The following PDE4D variants were observed in gnomAD, a reference collection of about 807,000 sequenced individuals.
The protein encoded by PDE4D is 3',5'-cyclic-AMP phosphodiesterase 4D.
In PDE4D, 24 loss-of-function variants were observed where a neutral mutation model predicts 87.4. The observed-to-expected ratio is 0.27, with a 90% CI of 0.20 to 0.39. The LOEUF is 0.39. PDE4D is among the 10% of genes least tolerant of loss of function. The pLI is 1.00. For missense variants in PDE4D, 714 were observed against 1,041.0 expected, an observed-to-expected ratio of 0.69 and a Z score of 4.32; for synonymous variants, 384 against 383.2, an observed-to-expected ratio of 1.00 and a Z score of -0.02.
chr5:59,849,020 G>A (rs867961180), intron 1 of PDE4D, among the ~76,000 whole-genome samples: 12 of 152,044 alleles, frequency 7.9e-5, no homozygotes, highest in Admixed American at 2.6e-4. Context: ...CATACAACTC[G>A]GCGCTGTGAG....
rs58630110 is a variant in PDE4D, at chr5:60,186,790, A to C, written c.-89-1103T>G. Among the ~76,000 whole-genome samples, 307 of 152,308 alleles carry C rather than the reference A, an allele frequency of 2.0e-3. 10 individuals carry two copies. The South Asian group carries it at 0.053, about 26-fold the overall frequency. On this transcript the variant is annotated intron_variant, in intron 1 of 16. Transcript: ENST00000502484. ...AAATGATTGACAATATTAAAGTACA[A>C]AGTAGTATGAATTATACATTTAAAA...
intron 2 of PDE4D, among the ~76,000 whole-genome samples, chr5:60,053,146 A>G (rs984049243): frequency 1.3e-5 from 2 of 152,172 alleles, no homozygotes; most frequent in Non-Finnish European, 2.9e-5. Context: ...TGCTATCCCC[A>G]TCAAGCTACC....
At chr5:60,411,195 T>TA (rs1419400973) in intron 1 of PDE4D, among the ~76,000 whole-genome samples, 1 of 152,222 alleles carries the variant, frequency 6.6e-6, no homozygotes, top group East Asian at 1.9e-4. Flanking sequence ...TGCACTGGTA[T>TA]AATTTTCATT....
At chr5:60,236,568 A>T (rs1746456733) in intron 1 of PDE4D, among the ~76,000 whole-genome samples, 1 of 151,962 alleles carries the variant, frequency 6.6e-6, no homozygotes, top group Non-Finnish European at 1.5e-5. Context: ...AGAACCAGTT[A>T]TTCTGGCATG....
intron 1 of PDE4D, among the ~76,000 whole-genome samples, chr5:60,311,495 T>C (rs546745745): frequency 1.3e-5 from 2 of 152,198 alleles, no homozygotes; most frequent in South Asian, 2.1e-4. Flanking sequence ...AGAAGTATAA[T>C]CTTTTCAGGG....
intron 3 of PDE4D, among the ~76,000 whole-genome samples, chr5:59,902,199 A>C (rs970584992): frequency 1.3e-5 from 2 of 152,224 alleles, no homozygotes; most frequent in Admixed American, 6.6e-5. Flanking sequence ...ACACTCAAAA[A>C]CAAGAAACAA....
Position 59,892,896 on chromosome 5 carries a change from C to CCA in PDE4D, c.455+270_455+271dup, listed in dbSNP as rs70975348. Among the ~76,000 whole-genome samples, 13,216 of 143,808 alleles carry CCA rather than the reference C, an allele frequency of 0.092. 578 individuals are homozygous for CCA. Among genetic ancestry groups the CCA allele is most frequent in the South Asian group, 0.15 (625 of 4,150 alleles). The allele number at this position is 143,808 out of a possible 152,430, so 94.3% of individuals were successfully genotyped here. A position where few individuals can be genotyped will look rare whatever the true frequency, so the allele number is the denominator to read the frequency against. The stretch of plus-strand genomic sequence containing the variant: ...CACAGATAACTGGGAAGCGCGCGCA[C>CCA]CACACACACACACACACACACACAC... On this transcript the variant is annotated intron_variant, in intron 1 of 14. Transcript: ENST00000340635.
intron 1 of PDE4D, among the ~76,000 whole-genome samples, chr5:60,476,929 C>A (rs975857218): frequency 9.2e-5 from 14 of 152,148 alleles, no homozygotes; most frequent in Non-Finnish European, 1.5e-5. Context: ...TCTAGGATGG[C>A]CTCCATTTTG....
chr5:59,471,316 T>A (rs1434958260), intron 1 of PDE4D, among the ~76,000 whole-genome samples: 1 of 152,198 alleles, frequency 6.6e-6, no homozygotes, highest in East Asian at 1.9e-4. Context: ...ATTGCCATTT[T>A]AAAAGATTTT....
chr5:59,502,849 T>A (rs1262798064), intron 1 of PDE4D, among the ~76,000 whole-genome samples: 1 of 151,854 alleles, frequency 6.6e-6, no homozygotes, highest in Non-Finnish European at 1.5e-5. Context: ...CCACACTATT[T>A]CTAATTCTCA....
chr5:59,301,935 A>T (rs1770333116), intron 1 of PDE4D, among the ~76,000 whole-genome samples: 1 of 152,136 alleles, frequency 6.6e-6, no homozygotes, highest in Non-Finnish European at 1.5e-5. Context: ...TCCTCATAAG[A>T]TCCCAGGAAC....
At chr5:59,951,009 T>C (rs958644672) in intron 3 of PDE4D, among the ~76,000 whole-genome samples, 2 of 152,110 alleles carry the variant, frequency 1.3e-5, no homozygotes, top group Non-Finnish European at 2.9e-5. Context: ...TTTGAGTCCA[T>C]ACTACATGCT....
intron 2 of PDE4D, among the ~76,000 whole-genome samples, chr5:60,133,505 A>G (rs780832746): frequency 6.6e-6 from 1 of 152,024 alleles, no homozygotes; most frequent in Non-Finnish European, 1.5e-5. Context: ...ATCAAAACCT[A>G]AATTGTATTA....
At chr5:59,306,682 G>A (rs1419087469) in intron 1 of PDE4D, among the ~76,000 whole-genome samples, 4 of 150,750 alleles carry the variant, frequency 2.7e-5, no homozygotes, top group Non-Finnish European at 4.4e-5. Flanking sequence ...AAGGAGAACT[G>A]CAAACCACTG....
At chr5:59,285,019 A>G (rs1273481749) in intron 1 of PDE4D, among the ~76,000 whole-genome samples, 15 of 101,440 alleles carry the variant, frequency 1.5e-4, no homozygotes, top group Non-Finnish European at 3.0e-4. Context: ...CAATGAGATC[A>G]CATGGACACA....
chr5:60,231,175 T>A (rs776221617), intron 1 of PDE4D, among the ~76,000 whole-genome samples: 4 of 152,010 alleles, frequency 2.6e-5, no homozygotes, highest in Non-Finnish European at 4.4e-5. Context: ...GACAGCATGA[T>A]CTTCCTTGGT....
At chr5:60,384,866 C>A (rs1349814071) in intron 1 of PDE4D, among the ~76,000 whole-genome samples, 1 of 152,184 alleles carries the variant, frequency 6.6e-6, no homozygotes. Context: ...ATAATCAAAT[C>A]CAAATCCCAC....
In PDE4D at chr5:60,503,113, C is replaced by T. The variant is rs543757103; in HGVS notation, n.70+18938G>A. On this transcript the variant is annotated intron_variant and non_coding_transcript_variant, in intron 1 of 2. Coordinates refer to the PDE4D transcript ENST00000506510. ...ATATCTTTTTGATGATGTGGATTGA[C>T]TATCTGGAGTAAAGATAGCCATACT... Among the ~76,000 whole-genome samples the T allele has an allele frequency of 2.0e-5, 3 of 152,142 alleles. No homozygotes were observed. The South Asian group carries it at 6.2e-4, about 32-fold the overall frequency.
At chr5:59,900,247 A>AAAT (rs1554108771) in intron 3 of PDE4D, among the ~76,000 whole-genome samples, 49 of 110,472 alleles carry the variant, frequency 4.4e-4, no homozygotes, top group African/African-American at 1.5e-3. Flanking sequence ...ATCAAAAAAA[A>AAAT]ATATATATAT....
Sources: gnomAD v4.1 joint callset for allele counts (sites outside exome capture counted in the v4.1 genomes callset) on GRCh38, gnomAD v4.1.1 for gene constraint, MANE v1.5 for transcripts, NCBI Gene and HGNC (gene_info 2026-07-23, HGNC 2026-07-21) for gene names.